SPOCK3: variants seen among roughly 807,000 people sequenced by gnomAD.
SPOCK3 encodes the protein testican-3.
In SPOCK3, 30 loss-of-function variants were observed where a neutral mutation model predicts 56.6. That is an observed-to-expected ratio of 0.53 (90% CI 0.40 to 0.72). The LOEUF (loss-of-function observed/expected upper bound fraction) is 0.72, where lower values mean the gene tolerates loss of function less well. Ranked by LOEUF, SPOCK3 falls within the 30% of genes least tolerant of loss-of-function variation. The pLI is 0.00. For synonymous variants in SPOCK3, 196 were observed against 183.3 expected, an observed-to-expected ratio of 1.07 and a Z score of -0.56; for missense variants, 527 against 530.0, an observed-to-expected ratio of 0.99 and a Z score of 0.06.
intron 7 of SPOCK3, among the ~76,000 whole-genome samples, chr4:166,784,927 A>G (rs1235765716): frequency 6.6e-6 from 1 of 152,152 alleles, no homozygotes; most frequent in African/African-American, 2.4e-5. Context: ...AGGGAAAATT[A>G]GTACAATGTC....
chr4:167,116,911 G>GTATATATATATATA (rs1279038321), intron 2 of SPOCK3, among the ~76,000 whole-genome samples: 218 of 115,336 alleles, frequency 1.9e-3, no homozygotes, highest in South Asian at 0.012. Context: ...GTGTGTGTGT[G>GTATATATATATATA]TGTATATATA....
intron 2 of SPOCK3, among the ~76,000 whole-genome samples, chr4:167,137,374 T>C (rs1366912438): frequency 6.6e-6 from 1 of 152,016 alleles, no homozygotes; most frequent in African/African-American, 2.4e-5. Flanking sequence ...TCATATAAAA[T>C]AGGTGTGGTT....
intron 2 of SPOCK3, among the ~76,000 whole-genome samples, chr4:167,137,481 C>A (rs1470070215): frequency 6.6e-6 from 1 of 151,452 alleles, no homozygotes. Context: ...AAATTGAAAA[C>A]CCTATTACTT....
intron 2 of SPOCK3, among the ~76,000 whole-genome samples, chr4:167,179,460 T>C (rs530086309): frequency 6.6e-6 from 1 of 152,338 alleles, no homozygotes; most frequent in Non-Finnish European, 1.5e-5. Flanking sequence ...TGAGCAGTTT[T>C]GGTTCCACAA....
rs1736686189 is a variant in SPOCK3 at position 166,753,519 on chromosome 4, ATT to A, written c.931+987_931+988del. Among the ~76,000 whole-genome samples, 2 of 151,960 alleles carry A rather than the reference ATT, an allele frequency of 1.3e-5. 1 individual carries two copies. Among genetic ancestry groups the A allele is most frequent in the South Asian group, 4.1e-4 (2 of 4,822 alleles). On this transcript the variant is annotated intron_variant, in intron 8 of 10. Coordinates refer to ENST00000357545, the MANE Select transcript of SPOCK3 (RefSeq NM_001040159.2). Reference sequence around the variant, plus strand: ...GCTTCTGTTGACTCACCACTAATCAATTTATGCATATTCATTTCATCCCTAAT... The same window carrying A: ...GCTTCTGTTGACTCACCACTAATCAATATGCATATTCATTTCATCCCTAAT...
chr4:166,998,484 A>T (rs1030340496), intron 4 of SPOCK3, among the ~76,000 whole-genome samples: 1 of 152,142 alleles, frequency 6.6e-6, no homozygotes, highest in Non-Finnish European at 1.5e-5. Context: ...AGTGGTAAAA[A>T]GCTTAGACTC....
At chr4:167,013,198 T>C (rs1440903818) in intron 3 of SPOCK3, among the ~76,000 whole-genome samples, 1 of 151,998 alleles carries the variant, frequency 6.6e-6, no homozygotes, top group East Asian at 1.9e-4. Flanking sequence ...ATAATATTTA[T>C]TTCAATGATA....
chr4:167,083,627 T>A (rs1003302102), intron 2 of SPOCK3, among the ~76,000 whole-genome samples: 2 of 152,134 alleles, frequency 1.3e-5, no homozygotes, highest in African/African-American at 4.8e-5. Flanking sequence ...ATTGTCTACT[T>A]GAAATGCTGT....
chr4:166,871,568 G>A (rs765310190), intron 6 of SPOCK3, among the ~76,000 whole-genome samples: 58 of 151,918 alleles, frequency 3.8e-4, no homozygotes, highest in Non-Finnish European at 6.8e-4. Flanking sequence ...TGGTTAAAAC[G>A]TTGCAAACAA....
In SPOCK3 at chr4:166,843,120, C is replaced by T. The variant is rs375441235; in HGVS notation, c.589+46010G>A. Among the ~76,000 whole-genome samples the T allele has an allele frequency of 7.1e-4, 108 of 152,296 alleles. 1 individual carries two copies. The highest frequency in any genetic ancestry group is 2.5e-3 in the African/African-American group (104 of 41,580). On this transcript the variant is annotated intron_variant, in intron 6 of 10. Transcript: ENST00000357545. ...TGCCAGCCGCTCTGAGTGCGGGGCCCGCCAAGCCCGTGCCCACCCAGAACA... is the reference window on the plus strand; with the variant it reads ...TGCCAGCCGCTCTGAGTGCGGGGCCTGCCAAGCCCGTGCCCACCCAGAACA...
At chr4:166,873,352 CATA>C (rs1732698792) in intron 6 of SPOCK3, among the ~76,000 whole-genome samples, 1 of 152,068 alleles carries the variant, frequency 6.6e-6, no homozygotes, top group African/African-American at 2.4e-5. Context: ...TCTCCAAGCC[CATA>C]ATATGTACAA....
At position 167,150,785 on chromosome 4, in the gene SPOCK3, T is replaced by C. The variant is rs115797616; in HGVS notation, c.189+83200A>G. On this transcript the variant is annotated intron_variant, in intron 2 of 10. Coordinates refer to ENST00000357545, the MANE Select transcript of SPOCK3 (RefSeq NM_001040159.2). The stretch of plus-strand genomic sequence containing the variant: ...TATACTGACTTAGTGTTTGCAGAGG[T>C]AGAGTTTTCCTAAGTAGTCTTAAGG... 4.9e-3 allele frequency among the ~76,000 whole-genome samples: 747 copies of C among 152,188 alleles called. 4 individuals are homozygous for C. The highest frequency in any genetic ancestry group is 7.6e-3 in the Non-Finnish European group (520 of 68,004).
intron 3 of SPOCK3, among the ~76,000 whole-genome samples, chr4:167,036,186 ACTATTTTGAGCT>A (rs1243200218): frequency 2.2e-5 from 3 of 133,730 alleles, no homozygotes; most frequent in African/African-American, 3.5e-5. Context: ...AATTGGCTCA[ACTATTTTGAGCT>A]CTGTTTGGTA....
At chr4:167,216,333 A>G (rs1735355878) in intron 2 of SPOCK3, among the ~76,000 whole-genome samples, 2 of 152,200 alleles carry the variant, frequency 1.3e-5, no homozygotes, top group African/African-American at 4.8e-5. Flanking sequence ...AAAGATGAAT[A>G]GAAGATTTTA....
intron 4 of SPOCK3, among the ~76,000 whole-genome samples, chr4:166,956,890 C>T (rs184760853): frequency 2.3e-4 from 35 of 152,222 alleles, no homozygotes; most frequent in Admixed American, 1.4e-3. Flanking sequence ...CCTTGCCTCT[C>T]GCTTACTTCA....
At position 167,177,140 on chromosome 4, in the gene SPOCK3, C is replaced by T. The variant is rs191498172; in HGVS notation, c.189+56845G>A. Among the ~76,000 whole-genome samples the T allele has an allele frequency of 9.9e-5, 15 of 152,158 alleles. No individual in the cohort carries two copies. In the East Asian group the frequency reaches 2.7e-3, roughly 27 times the overall value. ...GAGGAACTAGTTATCATGGGCTCTTCCTGACATGAGCAGACAACTGAGTTA... is the reference window on the plus strand; with the variant it reads ...GAGGAACTAGTTATCATGGGCTCTTTCTGACATGAGCAGACAACTGAGTTA... On this transcript the variant is annotated intron_variant, in intron 2 of 10. Transcript: ENST00000357545.
At chr4:166,964,213 A>C (rs920412340) in intron 4 of SPOCK3, among the ~76,000 whole-genome samples, 42 of 151,726 alleles carry the variant, frequency 2.8e-4, no homozygotes, top group African/African-American at 8.5e-4. Context: ...ATTTCTCCTG[A>C]GGTATTACTT....
intron 2 of SPOCK3, among the ~76,000 whole-genome samples, chr4:167,159,641 A>G (rs1284891508): frequency 3.3e-5 from 5 of 152,178 alleles, no homozygotes; most frequent in Admixed American, 6.6e-5. Context: ...AAAATTCTCA[A>G]TAAAATAATG....
intron 6 of SPOCK3, among the ~76,000 whole-genome samples, chr4:166,860,802 C>CATATATATATATGTATATATATATAT (rs1553989665): frequency 9.8e-6 from 1 of 101,938 alleles, no homozygotes; most frequent in Non-Finnish European, 2.0e-5. Flanking sequence ...CACACAAATT[C>CATATATATATATGTATATATATATAT]ATATATATAT....
Sources: allele counts gnomAD v4.1 joint callset (sites outside exome capture counted in the v4.1 genomes callset), GRCh38; gene constraint gnomAD v4.1.1; transcripts MANE v1.5; gene names NCBI Gene and HGNC (gene_info 2026-07-23, HGNC 2026-07-21).